Variants in GYPB observed in about 807,000 individuals in gnomAD.
GYPB encodes the protein glycophorin B (MNS blood group).
GYPB carries 13 observed loss-of-function variants against 15.3 expected under a neutral mutation model. The ratio of observed to expected loss-of-function variants is 0.85; its 90% confidence interval spans 0.55 to 1.35. GYPB has a LOEUF of 1.35. Among genes scored for constraint, GYPB ranks in the 40% most tolerant of loss-of-function variants. The probability of loss-of-function intolerance (pLI) is 0.00; values close to 1 mark genes in which losing one functional copy is unlikely to be tolerated. For missense variants in GYPB, 131 were observed against 108.3 expected (o/e 1.21, Z -0.93); for synonymous variants, 38 against 36.9 (o/e 1.03, Z -0.11).
intron 1 of GYPB, among the ~76,000 whole-genome samples, chr4:144,018,491 T>C (rs2149972954): frequency 6.6e-6 from 1 of 151,388 alleles, no homozygotes; most frequent in African/African-American, 2.5e-5. Context: ...CCCTGTGTGC[T>C]GGGCACTAGT....
chr4:144,017,747 C>G (rs1440290850), intron 1 of GYPB, among the ~76,000 whole-genome samples: 1 of 151,394 alleles, frequency 6.6e-6, no homozygotes, highest in Admixed American at 6.6e-5. Context: ...TGAGCTACAT[C>G]CAGTTTGGTT....
At chr4:143,999,278 C>A (rs764442259) in intron 3 of GYPB, 133 bp downstream of exon 3, 1 of 598,702 alleles carries the variant, frequency 1.7e-6, no homozygotes, top group Non-Finnish European at 3.0e-6. Context: ...TTTGTCTTTA[C>A]AATTTCGTGT....
intron 2 of GYPB, among the ~76,000 whole-genome samples, 159 bp downstream of exon 2, chr4:144,001,026 C>T (rs1391172179): frequency 2.0e-5 from 3 of 151,402 alleles, no homozygotes. Context: ...GCTAGAATTC[C>T]TCTGTAGTAA....
At chr4:143,999,728 G>T (rs1727522489) in intron 2 of GYPB, among the ~76,000 whole-genome samples, 1 of 151,362 alleles carries the variant, frequency 6.6e-6, no homozygotes, top group East Asian at 1.9e-4. Flanking sequence ...GAAAGTATTG[G>T]AAGAATCACT....
At chr4:144,004,151 TC>T (rs1310386987) in intron 1 of GYPB, among the ~76,000 whole-genome samples, 3 of 151,840 alleles carry the variant, frequency 2.0e-5, no homozygotes, top group African/African-American at 7.3e-5. Flanking sequence ...TTCACCAGAA[TC>T]AGTTGCTCTG....
chr4:144,013,247 A>G (rs1332140851), intron 1 of GYPB, among the ~76,000 whole-genome samples: 1 of 151,158 alleles, frequency 6.6e-6, no homozygotes, highest in Non-Finnish European at 1.5e-5. Flanking sequence ...TAGAATGGCA[A>G]TCATTAAAAA....
intron 1 of GYPB, among the ~76,000 whole-genome samples, chr4:144,004,336 A>C (rs1368357076): frequency 2.0e-5 from 3 of 151,976 alleles, no homozygotes; most frequent in Non-Finnish European, 4.4e-5. Flanking sequence ...TTTCTGGAAA[A>C]AAGATAGCAT....
chr4:144,002,875 G>A (rs1326364112), intron 1 of GYPB, among the ~76,000 whole-genome samples: 1 of 151,280 alleles, frequency 6.6e-6, no homozygotes, highest in Non-Finnish European at 1.5e-5. Flanking sequence ...TCTCTTTTAA[G>A]TTCTTTTCTG....
intron 2 of GYPB, 58 bp downstream of exon 2, chr4:144,001,127 G>T: frequency 6.2e-7 from 1 of 1,611,838 alleles, no homozygotes; most frequent in Non-Finnish European, 8.5e-7. Flanking sequence ...CCTAAAATAG[G>T]GTTGCATCAC....
intron 2 of GYPB, 118 bp from the exon 3 acceptor site, chr4:143,999,567 T>C (rs548601875): frequency 3.7e-4 from 229 of 623,978 alleles, no homozygotes; most frequent in Admixed American, 7.0e-4. Flanking sequence ...TTGAGAGTTG[T>C]TGGTCAACTT....
At chr4:143,998,013 A>G (rs935082752) in intron 3 of GYPB, among the ~76,000 whole-genome samples, 1 of 151,434 alleles carries the variant, frequency 6.6e-6, no homozygotes, top group Non-Finnish European at 1.5e-5. Flanking sequence ...GAGAGAAAAC[A>G]ATGTCTTAAC....
rs570105291 is a variant in GYPB at position 143,998,929 on chromosome 4, A to G, written c.175+482T>C. Among the ~76,000 whole-genome samples, 76 of 150,548 alleles carry G rather than the reference A, an allele frequency of 5.0e-4. No individual in the cohort carries two copies. In the East Asian group the frequency reaches 0.01, roughly 20 times the overall value. ...TTACTTATGTATTTGTTTTTGAGAC[A>G]GGGTCTTACCAAGGCTAGAGTACAG... On this transcript the variant is annotated intron_variant, in intron 3 of 4. Transcript: ENST00000502664.
At chr4:144,018,322 T>A (rs1233194738) in intron 1 of GYPB, among the ~76,000 whole-genome samples, 2 of 151,208 alleles carry the variant, frequency 1.3e-5, no homozygotes, top group Non-Finnish European at 2.9e-5. Flanking sequence ...CCTGTGCTCT[T>A]AACTATTGCA....
intron 1 of GYPB, among the ~76,000 whole-genome samples, chr4:144,015,415 T>C (rs1182010078): frequency 2.0e-5 from 3 of 151,334 alleles, no homozygotes; most frequent in Non-Finnish European, 4.4e-5. Flanking sequence ...CCAGCCTGAT[T>C]TTGTCAGCAC....
At chr4:143,999,175 T>C in intron 3 of GYPB, 1 of 368,048 alleles carries the variant, frequency 2.7e-6, no homozygotes, top group South Asian at 3.4e-5. Context: ...CCCAAAATTA[T>C]AGGGATTATA....
Position 143,998,932 on chromosome 4 carries a change from G to T in GYPB, c.175+479C>A, listed in dbSNP as rs1047053991. Among the ~76,000 whole-genome samples the T allele has an allele frequency of 2.1e-4, 32 of 150,180 alleles. 1 individual carries two copies. Among genetic ancestry groups the T allele is most frequent in the African/African-American group, 8.0e-4 (32 of 40,100 alleles). The stretch of plus-strand genomic sequence containing the variant: ...CTTATGTATTTGTTTTTGAGACAGG[G>T]TCTTACCAAGGCTAGAGTACAGTGG... On this transcript the variant is annotated intron_variant, in intron 3 of 4. Transcript: ENST00000502664.
chr4:144,015,772 G>A (rs114969691), intron 1 of GYPB, among the ~76,000 whole-genome samples: 2,045 of 151,340 alleles, frequency 0.014, 159 homozygotes, highest in African/African-American at 0.048. Flanking sequence ...AGGTTTGGCA[G>A]CTAGTCCAGC....
chr4:144,015,231 A>T (rs1388773132), intron 1 of GYPB, among the ~76,000 whole-genome samples: 4 of 151,456 alleles, frequency 2.6e-5, no homozygotes, highest in African/African-American at 9.8e-5. Flanking sequence ...ATGAGAAAAA[A>T]TAAATAAAAC....
chr4:144,017,020 A>G (rs1728537175), intron 1 of GYPB: 5 of 351,836 alleles, frequency 1.4e-5, no homozygotes, highest in Non-Finnish European at 1.1e-5. Flanking sequence ...GACTGTTTTT[A>G]TCTTATTTTA....
Sources: gnomAD v4.1 joint callset for allele counts (sites outside exome capture counted in the v4.1 genomes callset) on GRCh38, gnomAD v4.1.1 for gene constraint, MANE v1.5 for transcripts, NCBI Gene and HGNC (gene_info 2026-07-23, HGNC 2026-07-21) for gene names.